The following PDE3A variants were observed in gnomAD, a reference collection of about 807,000 sequenced individuals.
The protein encoded by PDE3A is cGMP-inhibited 3',5'-cyclic phosphodiesterase 3A.
PDE3A carries 43 observed loss-of-function variants against 98.3 expected under a neutral mutation model. The ratio of observed to expected loss-of-function variants is 0.44; its 90% confidence interval spans 0.34 to 0.56. The LOEUF (loss-of-function observed/expected upper bound fraction) is 0.56, where lower values mean the gene tolerates loss of function less well. PDE3A is among the 20% of genes least tolerant of loss of function. The pLI, the probability that PDE3A is intolerant of heterozygous loss-of-function variation, is 0.01. For missense variants in PDE3A, 1,427 were observed against 1,440.7 expected (o/e 0.99, Z 0.15); for synonymous variants, 663 against 567.9 (o/e 1.17, Z -2.38).
intron 1 of PDE3A, among the ~76,000 whole-genome samples, chr12:20,504,358 T>G (rs1420045532): frequency 6.6e-6 from 1 of 152,000 alleles, no homozygotes; most frequent in Non-Finnish European, 1.5e-5. Flanking sequence ...ATTTTAGACT[T>G]TCAGTGAATA....
rs566138278 is a variant in PDE3A, at chr12:20,444,963, A to T, written c.960+74719A>T. On this transcript the variant is annotated intron_variant, in intron 1 of 15. Coordinates refer to ENST00000359062, the MANE Select transcript of PDE3A (RefSeq NM_000921.5). ...TCTAGGTTGGAGCCTACGCGGGATC[A>T]GTAAATTTTGCACTAGGAAATACCT... 5.3e-5 allele frequency among the ~76,000 whole-genome samples: 8 copies of T among 152,354 alleles called. No homozygotes were observed. The South Asian group carries it at 1.7e-3, about 32-fold the overall frequency.
At chr12:20,559,112 A>G (rs929140413) in intron 2 of PDE3A, among the ~76,000 whole-genome samples, 2 of 152,232 alleles carry the variant, frequency 1.3e-5, no homozygotes, top group African/African-American at 4.8e-5. Context: ...GAATGACAGT[A>G]TATATGATGG....
intron 1 of PDE3A, among the ~76,000 whole-genome samples, chr12:20,439,443 G>A (rs1944831814): frequency 6.6e-6 from 1 of 152,104 alleles, no homozygotes; most frequent in Non-Finnish European, 1.5e-5. Flanking sequence ...CATGAAAGGG[G>A]AAATTATCAT....
intron 2 of PDE3A, among the ~76,000 whole-genome samples, chr12:20,603,377 T>C (rs1592100900): frequency 6.6e-6 from 1 of 152,192 alleles, no homozygotes; most frequent in East Asian, 1.9e-4. Context: ...TTATAAATCA[T>C]TCCAATGCAA....
intron 1 of PDE3A, among the ~76,000 whole-genome samples, chr12:20,542,486 T>A (rs1941944326): frequency 6.6e-6 from 1 of 151,632 alleles, no homozygotes. Flanking sequence ...CACTTTTAAT[T>A]TTCTTGGACT....
chr12:20,429,064 A>G (rs1171939015), intron 1 of PDE3A, among the ~76,000 whole-genome samples: 1 of 152,222 alleles, frequency 6.6e-6, no homozygotes, highest in East Asian at 1.9e-4. Flanking sequence ...CACTTAACAC[A>G]AAGTAAACAT....
At chr12:20,442,293 C>A (rs1424804332) in intron 1 of PDE3A, among the ~76,000 whole-genome samples, 1 of 152,176 alleles carries the variant, frequency 6.6e-6, no homozygotes, top group African/African-American at 2.4e-5. Flanking sequence ...GCTAAGCTAT[C>A]TTGCAGTAAC....
chr12:20,620,390 C>A (rs1368869962), intron 4 of PDE3A, among the ~76,000 whole-genome samples: 4 of 152,008 alleles, frequency 2.6e-5, no homozygotes, highest in Admixed American at 2.0e-4. Context: ...AAACACAGAC[C>A]AAGCACTTTT....
intron 1 of PDE3A, among the ~76,000 whole-genome samples, chr12:20,423,412 T>C (rs1470401982): frequency 6.6e-6 from 1 of 152,210 alleles, no homozygotes; most frequent in African/African-American, 2.4e-5. Context: ...CTTGAGACTT[T>C]AAATTCTGAA....
rs113804492 is a variant in PDE3A at position 20,368,616 on chromosome 12, T to C, written c.-669T>C. On this transcript the variant is annotated 5_prime_UTR_variant, in exon 1 of 16. Coordinates refer to ENST00000359062, the MANE Select transcript of PDE3A (RefSeq NM_000921.5). ...TCAGCCCCTTGTCCATTTTTTTTTT[T>C]CCATCCTTTGCCATGAATTGGATTG... Among the ~76,000 whole-genome samples, 1 of 151,970 alleles carries C rather than the reference T, an allele frequency of 6.6e-6. No individual in the cohort carries two copies. The highest frequency in any genetic ancestry group is 1.9e-4 in the East Asian group (1 of 5,144).
chr12:20,429,821 G>A (rs930265035), intron 1 of PDE3A, among the ~76,000 whole-genome samples: 1 of 151,810 alleles, frequency 6.6e-6, no homozygotes. Flanking sequence ...TTCAGATACA[G>A]AAACATCAAA....
intron 1 of PDE3A, among the ~76,000 whole-genome samples, chr12:20,541,407 CTATT>C (rs1941906572): frequency 6.6e-6 from 1 of 151,852 alleles, no homozygotes; most frequent in African/African-American, 2.4e-5. Context: ...ACCTACCCCT[CTATT>C]TATTTAGTTT....
In PDE3A at chr12:20,369,940, G is replaced by A. The variant is rs1018407783; in HGVS notation, c.656G>A (p.Ser219Asn). ...RLGVLMIALT[S>N]AVRTVSLISL... is the part of the protein sequence containing the mutation. ...GGCGTCCTCATGATCGCCTTGACTA[G>A]CGCGGTCAGGACCGTGTCCCTCATT... The change falls in exon 1 of 16, where the codon AGC (serine) becomes AAC (asparagine). Residue 219 changes from serine (S) to asparagine (N), a missense_variant. Coordinates refer to ENST00000359062, the MANE Select transcript of PDE3A (RefSeq NM_000921.5). 6.2e-7 allele frequency: 1 copy of A among 1,613,502 alleles called. No individual in the cohort carries two copies. Among genetic ancestry groups the A allele is most frequent in the East Asian group, 2.2e-5 (1 of 44,822 alleles).
At chr12:20,446,520 C>T (rs12184495) in intron 1 of PDE3A, among the ~76,000 whole-genome samples, 1 of 151,916 alleles carries the variant, frequency 6.6e-6, no homozygotes, top group Admixed American at 6.6e-5. Context: ...GTGGGGACAG[C>T]GTTCTTGTTA....
intron 5 of PDE3A, among the ~76,000 whole-genome samples, chr12:20,622,734 C>T (rs1226301953): frequency 1.3e-5 from 2 of 151,746 alleles, no homozygotes; most frequent in African/African-American, 4.8e-5. Context: ...TTTGAGAATT[C>T]CACATTAAAC....
chr12:20,664,465 A>G (rs950370887), intron 15 of PDE3A, among the ~76,000 whole-genome samples: 3 of 152,048 alleles, frequency 2.0e-5, no homozygotes, highest in African/African-American at 7.2e-5. Context: ...TCATGTTCAG[A>G]ATACCTCTAT....
chr12:20,516,683 G>A (rs1946328518), intron 1 of PDE3A, among the ~76,000 whole-genome samples: 1 of 152,144 alleles, frequency 6.6e-6, no homozygotes, highest in South Asian at 2.1e-4. Flanking sequence ...TGATTCTAGA[G>A]ACAGGCTCTG....
At chr12:20,373,428 T>C (rs1943515115) in intron 1 of PDE3A, among the ~76,000 whole-genome samples, 1 of 152,074 alleles carries the variant, frequency 6.6e-6, no homozygotes, top group Non-Finnish European at 1.5e-5. Context: ...TATGCATGAT[T>C]AATATGTTAT....
rs1565464583 is a variant in PDE3A, at chr12:20,654,102, GGAA to G, written c.3084_3086del (p.Glu1028del). 1 of 1,614,082 alleles carries G rather than the reference GGAA, an allele frequency of 6.2e-7. No individual in the cohort carries two copies. The highest frequency in any genetic ancestry group is 8.5e-7 in the Non-Finnish European group (1 of 1,179,984). On this transcript the variant is annotated inframe_deletion, in exon 15 of 16. Coordinates refer to ENST00000359062, the MANE Select transcript of PDE3A (RefSeq NM_000921.5). ...CAGGACTAATGCCTGGAAAATGGGT[GGAA>G]GACAGCGATGAGTCAGGAGATACTG...
Sources: allele counts gnomAD v4.1 joint callset (sites outside exome capture counted in the v4.1 genomes callset), GRCh38; gene constraint gnomAD v4.1.1; transcripts MANE v1.5; gene names NCBI Gene and HGNC (gene_info 2026-07-23, HGNC 2026-07-21).